MBP: variants seen among roughly 807,000 people sequenced by gnomAD.
MBP encodes Golli-MBP.
In MBP, 16 loss-of-function variants were observed where a neutral mutation model predicts 35.8. The ratio of observed to expected loss-of-function variants is 0.45; its 90% CI spans 0.30 to 0.68. The LOEUF (loss-of-function observed/expected upper bound fraction) is 0.68, where lower values mean the gene tolerates loss of function less well. MBP is among the 30% of genes least tolerant of loss of function. The pLI, the probability that MBP is intolerant of heterozygous loss-of-function variation, is 0.08. For missense variants in MBP, 380 were observed against 404.7 expected (o/e 0.94, Z 0.52); for synonymous variants, 143 against 159.6 (o/e 0.90, Z 0.78).
intron 1 of MBP, among the ~76,000 whole-genome samples, chr18:77,118,853 ACACACACACTC>A (rs1271256702): frequency 1.3e-5 from 2 of 150,500 alleles, no homozygotes; most frequent in African/African-American, 4.9e-5. Context: ...GACACACACC[ACACACACACTC>A]CACAGACACT....
intron 4 of MBP, among the ~76,000 whole-genome samples, chr18:76,993,098 A>G (rs1970042601): frequency 6.6e-6 from 1 of 152,220 alleles, no homozygotes; most frequent in Non-Finnish European, 1.5e-5. Context: ...CAGGCACAGC[A>G]GGGCGTAACC....
At chr18:77,103,388 G>A (rs769681991) in intron 2 of MBP, among the ~76,000 whole-genome samples, 3 of 152,256 alleles carry the variant, frequency 2.0e-5, no homozygotes, top group South Asian at 2.1e-4. Context: ...TTCAGCAGCC[G>A]GACATTCTAG....
chr18:77,071,233 A>G (rs935177964), intron 2 of MBP, among the ~76,000 whole-genome samples: 1 of 152,206 alleles, frequency 6.6e-6, no homozygotes, highest in African/African-American at 2.4e-5. Context: ...GAAGGTGTTG[A>G]AACATGTTAC....
chr18:77,123,902 T>C (rs1367612733), intron 1 of MBP, among the ~76,000 whole-genome samples: 1 of 152,210 alleles, frequency 6.6e-6, no homozygotes, highest in African/African-American at 2.4e-5. Flanking sequence ...CAGATCTGAG[T>C]AGAGCATTTC....
intron 3 of MBP, among the ~76,000 whole-genome samples, chr18:77,059,746 T>C (rs1221055664): frequency 6.6e-6 from 1 of 152,142 alleles, no homozygotes; most frequent in Non-Finnish European, 1.5e-5. Context: ...CAAATAAAAA[T>C]AGGGGCCAGC....
At chr18:77,054,596 G>A (rs1373131760) in intron 3 of MBP, among the ~76,000 whole-genome samples, 1 of 152,224 alleles carries the variant, frequency 6.6e-6, no homozygotes, top group Non-Finnish European at 1.5e-5. Context: ...TTGGTGATGG[G>A]AGAGGTGCTT....
chr18:77,099,655 C>T (rs899154128), intron 2 of MBP, among the ~76,000 whole-genome samples: 1 of 152,242 alleles, frequency 6.6e-6, no homozygotes, highest in Admixed American at 6.5e-5. Context: ...CGGGCAGGCC[C>T]GGCCCAGCTC....
intron 3 of MBP, among the ~76,000 whole-genome samples, chr18:77,040,013 T>C (rs929062463): frequency 6.6e-6 from 1 of 152,236 alleles, no homozygotes. Flanking sequence ...AAAATTACTC[T>C]GGTGATTGAG....
chr18:77,049,039 C>G (rs886355039), intron 3 of MBP, among the ~76,000 whole-genome samples: 1 of 152,112 alleles, frequency 6.6e-6, no homozygotes, highest in Non-Finnish European at 1.5e-5. Flanking sequence ...CCTGTCCCAG[C>G]CTCCCGAGTA....
At position 76,989,488 on chromosome 18, in the gene MBP, G is replaced by A. The variant is rs1969766414; in HGVS notation, c.681+468C>T. Reference sequence around the variant, plus strand: ...AACAGTTTCCCTTATTAGCAACACTGCCTTAGGGCTCTCTCGGTGCTGTGC... The same window carrying A: ...AACAGTTTCCCTTATTAGCAACACTACCTTAGGGCTCTCTCGGTGCTGTGC... On this transcript the variant is annotated intron_variant, in intron 5 of 8. Transcript: ENST00000355994. This position sits in a 1 kb window ranked among gnomAD's most constrained non-coding sequence, Gnocchi z 4.0. 6.6e-6 allele frequency among the ~76,000 whole-genome samples: 1 copy of A among 152,166 alleles called. No individual in the cohort carries two copies. Among genetic ancestry groups the A allele is most frequent in the Non-Finnish European group, 1.5e-5 (1 of 68,026 alleles).
At chr18:77,000,470 A>G (rs1970568612) in intron 4 of MBP, among the ~76,000 whole-genome samples, 1 of 152,268 alleles carries the variant, frequency 6.6e-6, no homozygotes, top group Admixed American at 6.5e-5. Context: ...TTTGCTTGGT[A>G]AATAAAAATA....
intron 3 of MBP, among the ~76,000 whole-genome samples, chr18:77,034,051 C>CAAAAAAAAAA: frequency 1.4e-5 from 1 of 70,500 alleles, no homozygotes; most frequent in Non-Finnish European, 2.7e-5. Context: ...CCTAATGGGG[C>CAAAAAAAAAA]AAAAAAAAAA....
At chr18:77,065,182 T>C (rs1974145110) in intron 3 of MBP, among the ~76,000 whole-genome samples, 1 of 152,230 alleles carries the variant, frequency 6.6e-6, no homozygotes, top group South Asian at 2.1e-4. Context: ...CTGGATAATT[T>C]ATAAAGAAAA....
intron 2 of MBP, chr18:77,095,257 CAGTG>C (rs1975709069): frequency 6.6e-6 from 1 of 152,232 alleles, no homozygotes; most frequent in Non-Finnish European, 1.5e-5. Context: ...CAGGTGAGAT[CAGTG>C]AGTGTCTTTA....
At chr18:77,072,436 C>T (rs1235621707) in intron 2 of MBP, among the ~76,000 whole-genome samples, 2 of 152,160 alleles carry the variant, frequency 1.3e-5, no homozygotes, top group African/African-American at 4.8e-5. Flanking sequence ...GCATGACAGC[C>T]AAGACCTCGG....
chr18:77,022,404 G>A (rs905875796), intron 3 of MBP, among the ~76,000 whole-genome samples: 1 of 152,200 alleles, frequency 6.6e-6, no homozygotes, highest in Non-Finnish European at 1.5e-5. Flanking sequence ...CGGTGGCACC[G>A]TTCTTCCATG....
At chr18:77,123,878 C>T (rs570534803) in intron 1 of MBP, among the ~76,000 whole-genome samples, 1 of 152,340 alleles carries the variant, frequency 6.6e-6, no homozygotes, top group East Asian at 1.9e-4. Context: ...CTTAATCAGG[C>T]TCCAGGTGAA....
intron 2 of MBP, among the ~76,000 whole-genome samples, chr18:77,077,081 C>T (rs867404060): frequency 2.0e-5 from 3 of 152,102 alleles, no homozygotes; most frequent in South Asian, 2.1e-4. Context: ...ATAAAACAGG[C>T]CAGGTGTGGT....
At chr18:77,129,456 C>T (rs1225600511) in intron 1 of MBP, among the ~76,000 whole-genome samples, 1 of 152,204 alleles carries the variant, frequency 6.6e-6, no homozygotes, top group African/African-American at 2.4e-5. Context: ...CTGGCCAGCC[C>T]ACCTCTGCAT....
Sources: allele counts gnomAD v4.1 joint callset (sites outside exome capture counted in the v4.1 genomes callset), GRCh38; gene constraint gnomAD v4.1.1; non-coding constraint Gnocchi (gnomAD v3.1); transcripts MANE v1.5; gene names NCBI Gene and HGNC (gene_info 2026-07-23, HGNC 2026-07-21).